The following DPP6 variants were observed in gnomAD, a reference collection of about 807,000 sequenced individuals.
DPP6 encodes the protein A-type potassium channel modulatory protein DPP6.
A neutral mutation model predicts 122.6 loss-of-function variants in DPP6; 69 were observed. That is an observed-to-expected ratio of 0.56 (90% CI 0.46 to 0.69). DPP6 has a LOEUF of 0.69. Among genes scored for constraint, DPP6 ranks in the 30% least tolerant of loss-of-function variants. The pLI is 0.00. For synonymous variants in DPP6, 418 were observed against 433.1 expected, an observed-to-expected ratio of 0.97 and a Z score of 0.43; for missense variants, 928 against 1,116.9, an observed-to-expected ratio of 0.83 and a Z score of 2.41.
intron 5 of DPP6, among the ~76,000 whole-genome samples, chr7:154,596,934 C>T (rs1253957806): frequency 6.6e-6 from 1 of 152,160 alleles, no homozygotes; most frequent in South Asian, 2.1e-4. Flanking sequence ...AAAGTATTCT[C>T]CAAGTTATTA....
At chr7:154,532,392 A>T (rs1337684956) in intron 3 of DPP6, among the ~76,000 whole-genome samples, 1 of 152,164 alleles carries the variant, frequency 6.6e-6, no homozygotes, top group Non-Finnish European at 1.5e-5. Flanking sequence ...AAAGGAAAAA[A>T]AATATCAAAC....
At chr7:154,171,673 T>G (rs10236587) in intron 1 of DPP6, among the ~76,000 whole-genome samples, 78,635 of 151,854 alleles carry the variant, frequency 0.52, 20,562 homozygotes, top group East Asian at 0.62. Flanking sequence ...CCTGCCCTCC[T>G]CTGAGAGCTG....
chr7:154,395,805 T>C (rs1364934894), intron 1 of DPP6, among the ~76,000 whole-genome samples: 1 of 152,154 alleles, frequency 6.6e-6, no homozygotes, highest in Non-Finnish European at 1.5e-5. Context: ...AAATAAGTGG[T>C]AAAAGTTGGC....
At chr7:154,001,865 C>T (rs1218311320) in intron 1 of DPP6, among the ~76,000 whole-genome samples, 5 of 152,166 alleles carry the variant, frequency 3.3e-5, no homozygotes, top group South Asian at 2.1e-4. Flanking sequence ...CAGATACTGA[C>T]GATTGTTTCC....
chr7:154,709,584 T>TTG (rs1841043744), intron 7 of DPP6, among the ~76,000 whole-genome samples: 1 of 51,248 alleles, frequency 2.0e-5, no homozygotes. Context: ...AACGACATTT[T>TTG]TCTTTTTTTT....
intron 1 of DPP6, among the ~76,000 whole-genome samples, chr7:154,370,794 T>G (rs906246199): frequency 6.6e-5 from 10 of 152,244 alleles, no homozygotes; most frequent in African/African-American, 2.4e-4. Context: ...TTACTGATGA[T>G]GTTTCACCTA....
At chr7:154,712,828 C>G (rs986615515) in intron 7 of DPP6, among the ~76,000 whole-genome samples, 3 of 152,182 alleles carry the variant, frequency 2.0e-5, no homozygotes, top group Non-Finnish European at 4.4e-5. Context: ...ATCATTCTGC[C>G]TCTGGCCCCT....
At chr7:153,995,911 A>G (rs1397355113) in intron 1 of DPP6, among the ~76,000 whole-genome samples, 2 of 152,180 alleles carry the variant, frequency 1.3e-5, no homozygotes, top group East Asian at 1.9e-4. Flanking sequence ...CCAAACATCT[A>G]TGGCATTTGT....
chr7:154,827,655 G>T (rs1016982998), intron 16 of DPP6, among the ~76,000 whole-genome samples: 1 of 146,650 alleles, frequency 6.8e-6, no homozygotes, highest in African/African-American at 2.5e-5. Context: ...CAGAAAGGAC[G>T]GCTGGCAGGG....
At chr7:154,434,025 A>C (rs753170461) in intron 1 of DPP6, among the ~76,000 whole-genome samples, 1 of 152,240 alleles carries the variant, frequency 6.6e-6, no homozygotes. Context: ...CATTTTACCT[A>C]TAAGAACAAT....
In DPP6 at chr7:154,453,718, C is replaced by A. The variant is rs1444045335; in HGVS notation, c.358+7390C>A. On this transcript the variant is annotated intron_variant, in intron 2 of 25. Coordinates refer to ENST00000377770, the MANE Select transcript of DPP6 (RefSeq NM_130797.4). ...TTCCTATCATTAATCCTCTCAAGGG[C>A]AACCTCATTTCTGACATCACAGAGT... is the stretch of plus-strand genomic sequence containing the variant. Among the ~76,000 whole-genome samples, 3 of 152,232 alleles carry A rather than the reference C, an allele frequency of 2.0e-5. No homozygotes were observed. In the East Asian group the frequency reaches 5.8e-4, roughly 29 times the overall value.
At chr7:154,063,439 AG>A (rs375848331) in intron 1 of DPP6, among the ~76,000 whole-genome samples, 17,477 of 88,962 alleles carry the variant, frequency 0.2, 3,214 homozygotes, top group East Asian at 0.28. Flanking sequence ...CCCCATCGCA[AG>A]GGGGGGAGGC....
chr7:154,300,363 C>G (rs1440359668), intron 1 of DPP6, among the ~76,000 whole-genome samples: 1 of 152,182 alleles, frequency 6.6e-6, no homozygotes, highest in Non-Finnish European at 1.5e-5. Flanking sequence ...ACACCAGGAG[C>G]CTTCACTAGG....
At chr7:154,432,895 G>C (rs1182614278) in intron 1 of DPP6, among the ~76,000 whole-genome samples, 1 of 152,132 alleles carries the variant, frequency 6.6e-6, no homozygotes, top group African/African-American at 2.4e-5. Context: ...TCATATGGTA[G>C]TTAAATAAGT....
chr7:153,916,402 CCCTCCTCTCT>C (rs1800321996), intron 1 of DPP6, among the ~76,000 whole-genome samples: 1 of 136,480 alleles, frequency 7.3e-6, no homozygotes, highest in Non-Finnish European at 1.6e-5. Flanking sequence ...CCCTCTCCTC[CCCTCCTCTCT>C]CCTCCCCTCC....
At chr7:154,350,695 C>A (rs893305627) in intron 1 of DPP6, among the ~76,000 whole-genome samples, 2 of 152,184 alleles carry the variant, frequency 1.3e-5, no homozygotes, top group Admixed American at 6.5e-5. Context: ...TCAGGTTCAA[C>A]TGCCCGTTGC....
Position 153,961,802 on chromosome 7 carries a change from TC to T in DPP6, c.51+74071del, listed in dbSNP as rs1399651622. 9.5e-5 allele frequency among the ~76,000 whole-genome samples: 4 copies of T among 42,022 alleles called. 2 individuals are homozygous for T. The highest frequency in any genetic ancestry group is 5.5e-4 in the African/African-American group (2 of 3,656). The allele number at this position is 42,022 out of a possible 152,430, so 27.6% of individuals were successfully genotyped here. On this transcript the variant is annotated intron_variant, in intron 1 of 25. Coordinates refer to the DPP6 transcript ENST00000404039. ...TCTCATAAGGAGCTGACAACCTAGATCCCTCAGTTCACAGTAGGGTTTGCAC... is the reference window on the plus strand; with the variant it reads ...TCTCATAAGGAGCTGACAACCTAGATCCTCAGTTCACAGTAGGGTTTGCAC...
At chr7:154,560,795 A>T (rs1171786253) in intron 4 of DPP6, among the ~76,000 whole-genome samples, 1 of 151,932 alleles carries the variant, frequency 6.6e-6, no homozygotes, top group African/African-American at 2.4e-5. Flanking sequence ...AGGCAGGACA[A>T]TCGCTTGAAC....
chr7:153,839,133 G>GA, the DPP6 span, among the ~76,000 whole-genome samples: 1 of 152,126 alleles, frequency 6.6e-6, no homozygotes, highest in African/African-American at 2.4e-5. Context: ...ACACTAATGT[G>GA]AACCGTGGCA....
Sources: allele counts gnomAD v4.1 joint callset (sites outside exome capture counted in the v4.1 genomes callset), GRCh38; gene constraint gnomAD v4.1.1; transcripts MANE v1.5; gene names NCBI Gene and HGNC (gene_info 2026-07-23, HGNC 2026-07-21).